Variants in GPM6A observed in about 807,000 individuals in gnomAD.
GPM6A encodes the protein neuronal membrane glycoprotein M6-a.
In GPM6A, 7 loss-of-function variants were observed where a neutral mutation model predicts 32.1. The observed-to-expected ratio is 0.22, with a 90% CI of 0.12 to 0.41. GPM6A has a LOEUF of 0.41. Among genes scored for constraint, GPM6A ranks in the 10% least tolerant of loss-of-function variants. The pLI is 1.00. For synonymous variants in GPM6A, 130 were observed against 123.4 expected (o/e 1.05, Z -0.35); for missense variants, 235 against 347.2 (o/e 0.68, Z 2.57).
intron 1 of GPM6A, among the ~76,000 whole-genome samples, chr4:175,926,005 C>T (rs575482452): frequency 1.9e-4 from 29 of 152,156 alleles, no homozygotes; most frequent in Admixed American, 9.8e-4. Flanking sequence ...GTGCCTGCCA[C>T]CACACCCAGC....
chr4:175,932,524 T>A (rs1168784581), intron 1 of GPM6A, among the ~76,000 whole-genome samples: 1 of 152,224 alleles, frequency 6.6e-6, no homozygotes. Flanking sequence ...TTCGAAATAT[T>A]CTTTTATGGC....
intron 4 of GPM6A, 56 bp from the exon 5 acceptor site, chr4:175,640,885 G>A: frequency 4.4e-6 from 5 of 1,140,762 alleles, no homozygotes; most frequent in Admixed American, 3.7e-5. Context: ...AGAGCCAAGA[G>A]AGAAAAAAAT....
chr4:175,851,591 C>A (rs1363550151), intron 1 of GPM6A, among the ~76,000 whole-genome samples: 1 of 151,920 alleles, frequency 6.6e-6, no homozygotes, highest in Non-Finnish European at 1.5e-5. Context: ...GGAAGAGTAC[C>A]TAGTTCTCTA....
chr4:175,680,846 C>G (rs554142774), intron 2 of GPM6A, among the ~76,000 whole-genome samples: 64 of 152,188 alleles, frequency 4.2e-4, no homozygotes, highest in South Asian at 2.3e-3. Context: ...TCCATATATT[C>G]TTCATATATA....
chr4:175,699,487 T>C (rs1273083277), intron 2 of GPM6A, among the ~76,000 whole-genome samples: 3 of 152,208 alleles, frequency 2.0e-5, no homozygotes, highest in African/African-American at 7.2e-5. Flanking sequence ...TTGGGAAATA[T>C]AATATGCAAC....
chr4:175,844,909 G>A (rs1736043514), intron 1 of GPM6A, among the ~76,000 whole-genome samples: 5 of 151,958 alleles, frequency 3.3e-5, no homozygotes, highest in Admixed American at 3.3e-4. Context: ...GGATGAAGAG[G>A]GGCGTAGGTG....
chr4:175,897,060 C>A (rs559232956), intron 1 of GPM6A, among the ~76,000 whole-genome samples: 3 of 151,990 alleles, frequency 2.0e-5, no homozygotes, highest in Admixed American at 6.6e-5. Flanking sequence ...GCATTTAAAT[C>A]AAAAAAGTTA....
intron 1 of GPM6A, among the ~76,000 whole-genome samples, chr4:175,705,472 C>T (rs540192489): frequency 3.9e-5 from 6 of 152,344 alleles, no homozygotes; most frequent in African/African-American, 9.6e-5. Context: ...CACTCTTCCA[C>T]AGAGCCCGAG....
intron 2 of GPM6A, among the ~76,000 whole-genome samples, chr4:175,700,234 T>A (rs1290424787): frequency 6.6e-6 from 1 of 152,146 alleles, no homozygotes; most frequent in Non-Finnish European, 1.5e-5. Context: ...TTATGATATT[T>A]ATAAAAAATA....
intron 2 of GPM6A, among the ~76,000 whole-genome samples, chr4:175,691,912 C>G (rs932322484): frequency 2.0e-5 from 3 of 152,190 alleles, no homozygotes; most frequent in African/African-American, 7.2e-5. Context: ...TGCCACACTG[C>G]TGGCTTTGAA....
chr4:175,674,342 T>A (rs1743244731), intron 2 of GPM6A, among the ~76,000 whole-genome samples: 1 of 152,156 alleles, frequency 6.6e-6, no homozygotes, highest in Non-Finnish European at 1.5e-5. Context: ...CATGCCCAGA[T>A]AATTTTGTCT....
intron 1 of GPM6A, among the ~76,000 whole-genome samples, chr4:175,894,820 C>T (rs115979530): frequency 0.01 from 1,527 of 152,206 alleles, 26 homozygotes; most frequent in African/African-American, 0.035. Context: ...GAATACATGA[C>T]CCCATTTTCT....
chr4:175,709,331 C>G (rs1579411101), intron 1 of GPM6A, among the ~76,000 whole-genome samples: 1 of 151,650 alleles, frequency 6.6e-6, no homozygotes, highest in African/African-American at 2.4e-5. Flanking sequence ...GGGCCTCTCT[C>G]TCTCTCTTTC....
intron 1 of GPM6A, among the ~76,000 whole-genome samples, chr4:175,933,033 A>G (rs1389394556): frequency 6.6e-6 from 1 of 152,082 alleles, no homozygotes; most frequent in Non-Finnish European, 1.5e-5. Flanking sequence ...AAAACACCAC[A>G]CAACTATATA....
chr4:175,699,762 A>C lies in GPM6A; in HGVS notation c.230+1813T>G, dbSNP rs542997955. 1.2e-4 allele frequency among the ~76,000 whole-genome samples: 19 copies of C among 152,218 alleles called. No homozygotes were observed. The South Asian group carries it at 3.5e-3, about 28-fold the overall frequency. ...GTATCAACAGGTTTTAAATAAACAA[A>C]TATTTCAGCTTTGCTTTTACTAAAA... On this transcript the variant is annotated intron_variant, in intron 2 of 6. Transcript: ENST00000393658.
chr4:175,896,154 C>T (rs985035370), intron 1 of GPM6A, among the ~76,000 whole-genome samples: 3 of 152,022 alleles, frequency 2.0e-5, no homozygotes, highest in Non-Finnish European at 4.4e-5. Context: ...GGAAATTAGA[C>T]TTTTATCTTT....
intron 2 of GPM6A, among the ~76,000 whole-genome samples, chr4:175,685,037 A>G (rs57794594): frequency 0.05 from 7,562 of 151,970 alleles, 212 homozygotes; most frequent in Non-Finnish European, 0.063. Flanking sequence ...ACAGGGGCCC[A>G]CCACCACGCC....
intron 1 of GPM6A, chr4:175,962,502 C>A (rs17668900): frequency 0.12 from 66,795 of 562,884 alleles, 4,828 homozygotes; most frequent in South Asian, 0.24. Context: ...AGCTGCCTAT[C>A]ACTTCCCAGC....
chr4:175,795,689 T>A (rs1320644089), intron 1 of GPM6A: 2 of 152,186 alleles, frequency 1.3e-5, no homozygotes, highest in Non-Finnish European at 2.9e-5. Context: ...AGTTTGAGGC[T>A]GCAGTGAGTC....
Sources: allele counts gnomAD v4.1 joint callset (sites outside exome capture counted in the v4.1 genomes callset), GRCh38; gene constraint gnomAD v4.1.1; transcripts MANE v1.5; gene names NCBI Gene and HGNC (gene_info 2026-07-23, HGNC 2026-07-21).